Variants in PRRC2B observed in about 807,000 individuals in gnomAD.
The protein encoded by PRRC2B is proline rich coiled-coil 2B.
A neutral mutation model predicts 242.3 loss-of-function variants in PRRC2B; 68 were observed. The observed-to-expected ratio is 0.28, with a 90% CI of 0.23 to 0.34. The LOEUF (loss-of-function observed/expected upper bound fraction) is 0.34. PRRC2B is among the 10% of genes least tolerant of loss of function. The pLI is 1.00. For synonymous variants in PRRC2B, 1,228 were observed against 1,173.6 expected (o/e 1.05, Z -0.95); for missense variants, 2,835 against 2,954.8 (o/e 0.96, Z 0.94).
intron 1 of PRRC2B, among the ~76,000 whole-genome samples, chr9:131,416,027 G>T (rs1207339692): frequency 6.6e-6 from 1 of 151,844 alleles, no homozygotes; most frequent in East Asian, 1.9e-4. Context: ...GATTTTGGGG[G>T]TAGGATGTGA....
intron 1 of PRRC2B, among the ~76,000 whole-genome samples, chr9:131,397,506 T>C (rs146527010): frequency 1.2e-3 from 177 of 151,670 alleles, no homozygotes; most frequent in African/African-American, 4.2e-3. Context: ...CCTAACCTCT[T>C]TTGAATTTCA....
At chr9:131,427,615 C>T (rs1838010705) in intron 1 of PRRC2B, among the ~76,000 whole-genome samples, 1 of 152,114 alleles carries the variant, frequency 6.6e-6, no homozygotes, top group South Asian at 2.1e-4. Context: ...CAGGAGTGAG[C>T]CACCGCACCT....
chr9:131,386,498 C>T (rs1213090906), intron 1 of PRRC2B, among the ~76,000 whole-genome samples: 1 of 150,208 alleles, frequency 6.7e-6, no homozygotes, highest in Non-Finnish European at 1.5e-5. Flanking sequence ...CAGATCTGCC[C>T]GAGGAACAGA....
intron 1 of PRRC2B, among the ~76,000 whole-genome samples, chr9:131,386,988 C>G (rs1479748246): frequency 6.7e-6 from 1 of 149,668 alleles, no homozygotes; most frequent in Admixed American, 7.0e-5. Flanking sequence ...GAAGTTAGGC[C>G]TGTCTCTTTC....
chr9:131,481,774 C>G lies in PRRC2B; in HGVS notation c.4949C>G (p.Thr1650Ser). Residue 1650 changes from threonine (T) to serine (S), a missense_variant, in exon 20 of 32, where the codon ACT (threonine) becomes AGT (serine). Thr to Ser is a moderately conservative substitution (Grantham distance 58). This residue lies in a region of PRRC2B where 38 missense variants were observed against 73.3 expected (regional missense o/e 0.52). Coordinates refer to ENST00000683519, the MANE Select transcript of PRRC2B (RefSeq NM_013318.4). ...PANDSWRKAV[T>S]AFSSTETGSA... ...AACGACTCCTGGAGGAAAGCTGTCA[C>G]TGCCTTCAGCAGCACCGAGACTGGC... 1 of 1,565,120 alleles carries G rather than the reference C, an allele frequency of 6.4e-7. No individual in the cohort carries two copies. Among genetic ancestry groups the G allele is most frequent in the Non-Finnish European group, 8.6e-7 (1 of 1,156,182 alleles).
Position 131,495,934 on chromosome 9 carries a change from A to G in PRRC2B, c.*60A>G. 1 of 1,571,620 alleles carries G rather than the reference A, an allele frequency of 6.4e-7. No individual in the cohort carries two copies. Among genetic ancestry groups the G allele is most frequent in the Non-Finnish European group, 8.7e-7 (1 of 1,153,910 alleles). ...AGGACGGTGCCGCCATGCGGCCTCG[A>G]CACAGCCGACACTCGGGAGCCTCAC... is the stretch of plus-strand genomic sequence containing the variant. On this transcript the variant is annotated 3_prime_UTR_variant, in exon 32 of 32. Coordinates refer to ENST00000683519, the MANE Select transcript of PRRC2B (RefSeq NM_013318.4).
intron 1 of PRRC2B, among the ~76,000 whole-genome samples, chr9:131,400,553 G>A (rs1837201431): frequency 1.3e-5 from 2 of 152,154 alleles, no homozygotes; most frequent in South Asian, 4.2e-4. Context: ...CCTGACCTCA[G>A]GTGATCCACC....
intron 13 of PRRC2B, 95 bp downstream of exon 13, chr9:131,467,848 G>A: frequency 7.7e-7 from 1 of 1,300,024 alleles, no homozygotes; most frequent in Non-Finnish European, 1.1e-6. Context: ...CTCCAACTTA[G>A]AAAAAGGCCA....
rs772968626 is a variant in PRRC2B at position 131,455,151 on chromosome 9, A to G, written c.1196A>G (p.Asp399Gly). Residue 399 changes from aspartate to glycine, a missense_variant, in exon 10 of 32, where the codon GAC becomes GGC. This residue lies in a region of PRRC2B where 626 missense variants were observed against 685.5 expected (regional missense o/e 0.91). Transcript: ENST00000683519. Reference protein sequence around the residue: ...DDEEEEEVVKDGRPKWNSWDP... With the variant: ...DDEEEEEVVKGGRPKWNSWDP... ...GAAGAGGAGGAAGAAGTTGTGAAGG[A>G]CGGCAGGCCAAAGTGGTAAGGACCC... 17 of 1,613,496 alleles carry G rather than the reference A, an allele frequency of 1.1e-5. No homozygotes were observed. Among genetic ancestry groups the G allele is most frequent in the Non-Finnish European group, 1.4e-5 (17 of 1,179,662 alleles).
chr9:131,460,112 G>A (rs1197731646), intron 11 of PRRC2B, among the ~76,000 whole-genome samples: 7 of 152,068 alleles, frequency 4.6e-5, no homozygotes, highest in Admixed American at 4.6e-4. Flanking sequence ...TCTTTACACT[G>A]TGGTACTTGT....
intron 1 of PRRC2B, chr9:131,373,776 T>A (rs1248566636): frequency 6.6e-6 from 1 of 152,176 alleles, no homozygotes; most frequent in Non-Finnish European, 1.5e-5. Context: ...ATCGCTCGTC[T>A]AGGCCGGGCG....
In PRRC2B at chr9:131,496,072, T is replaced by G. The variant is rs1944327586; in HGVS notation, c.*198T>G. On this transcript the variant is annotated 3_prime_UTR_variant, in exon 32 of 32. Coordinates refer to ENST00000683519, the MANE Select transcript of PRRC2B (RefSeq NM_013318.4). ...CGTGGATATATGGCATTGACCCGCT[T>G]GCTTTGATACGAAACAAAAAAGCAG... is the stretch of plus-strand genomic sequence containing the variant. 1.5e-6 allele frequency: 1 copy of G among 672,516 alleles called. No individual in the cohort carries two copies. Among genetic ancestry groups the G allele is most frequent in the Non-Finnish European group, 2.4e-6 (1 of 411,290 alleles). 41.7% of individuals were successfully genotyped at this position (672,516 alleles called of 1,614,324 possible).
upstream of PRRC2B, among the ~76,000 whole-genome samples, chr9:131,390,441 G>A (rs949151558): frequency 3.5e-5 from 5 of 143,456 alleles, 1 homozygote; most frequent in Non-Finnish European, 7.6e-5. Context: ...TGGATTTGAA[G>A]CCAGGTCTCT....
In PRRC2B at chr9:131,446,667, T is replaced by C. The variant is rs1444428314; in HGVS notation, c.855+25T>C. The C allele has an allele frequency of 1.2e-6, 2 of 1,611,712 alleles. No individual in the cohort carries two copies. Among genetic ancestry groups the C allele is most frequent in the African/African-American group, 2.7e-5 (2 of 74,892 alleles). The stretch of plus-strand genomic sequence containing the variant: ...TGTAAGTCTTCAGAGTGTACTTTTT[T>C]TCCCCCCATGAAGTTGGATTGTGTC... On this transcript the variant is annotated intron_variant, in intron 7 of 31. Transcript: ENST00000683519. The surrounding 1 kb of genome is among the most constrained non-coding windows in gnomAD (Gnocchi z 4.1).
chr9:131,432,501 G>T, intron 2 of PRRC2B, 116 bp from the exon 3 acceptor site: 1 of 1,012,336 alleles, frequency 9.9e-7, no homozygotes, highest in Admixed American at 2.7e-5. Context: ...TTTGTTTTTT[G>T]TTGGGTTAGC....
chr9:131,409,769 A>G (rs1161773087), intron 1 of PRRC2B, among the ~76,000 whole-genome samples: 1 of 152,170 alleles, frequency 6.6e-6, no homozygotes, highest in Non-Finnish European at 1.5e-5. Flanking sequence ...AACTAGTTCA[A>G]TCGTCTGTCT....
rs1303708785 is a variant in PRRC2B, at chr9:131,484,731, A to G, written c.5506A>G (p.Ile1836Val). 2 of 1,612,944 alleles carry G rather than the reference A, an allele frequency of 1.2e-6. No individual in the cohort carries two copies. Among genetic ancestry groups the G allele is most frequent in the East Asian group, 2.2e-5 (1 of 44,832 alleles). ...SIPILRRDHH[I>V]QRAIGLSPMS... ...CCCCATCCTGCGGCGGGACCATCAC[A>G]TCCAGAGGGCCATCGGTCTCTCCCC... is the stretch of plus-strand genomic sequence containing the variant. The change falls in exon 24 of 32, where the codon ATC (isoleucine) becomes GTC (valine). Residue 1836 changes from isoleucine (I) to valine (V), a missense_variant. Transcript: ENST00000683519.
intron 13 of PRRC2B, among the ~76,000 whole-genome samples, chr9:131,470,242 G>T (rs1270107401): frequency 6.6e-6 from 1 of 152,210 alleles, no homozygotes; most frequent in African/African-American, 2.4e-5. Flanking sequence ...GAGTAGCCTC[G>T]TAGGATTTAG....
chr9:131,494,288 T>C lies in PRRC2B; in HGVS notation c.6474-117T>C. On this transcript the variant is annotated intron_variant, in intron 30 of 31. Coordinates refer to ENST00000683519, the MANE Select transcript of PRRC2B (RefSeq NM_013318.4). This position sits in a 1 kb window ranked among gnomAD's most constrained non-coding sequence, Gnocchi z 4.3. Reference sequence around the variant, plus strand: ...CAAGAGATCCACGGACCGTCCCGAGTGAGCGCCTCTGGCCGCAGGCCCTTC... The same window carrying C: ...CAAGAGATCCACGGACCGTCCCGAGCGAGCGCCTCTGGCCGCAGGCCCTTC... 1 of 624,640 alleles carries C rather than the reference T, an allele frequency of 1.6e-6. No individual in the cohort carries two copies. The highest frequency in any genetic ancestry group is 2.9e-6 in the Non-Finnish European group (1 of 348,126). The allele number at this position is 624,640 out of a possible 1,614,324, so 38.7% of individuals were successfully genotyped here.
Sources: gnomAD v4.1 joint callset for allele counts (sites outside exome capture counted in the v4.1 genomes callset) on GRCh38, gnomAD v4.1.1 for gene constraint, gnomAD v4.1.1 regional missense constraint, Gnocchi (gnomAD v3.1) non-coding constraint, MANE v1.5 for transcripts, NCBI Gene and HGNC (gene_info 2026-07-23, HGNC 2026-07-21) for gene names.